Variants in PCDHA3 observed in about 807,000 individuals in gnomAD.
PCDHA3 encodes protocadherin alpha-3.
A neutral mutation model predicts 62.2 loss-of-function variants in PCDHA3; 41 were observed. The observed-to-expected ratio is 0.66, with a 90% CI of 0.51 to 0.86. The LOEUF (loss-of-function observed/expected upper bound fraction) is 0.86. Ranked by LOEUF, PCDHA3 falls within the 40% of genes least tolerant of loss-of-function variation. The pLI is 0.00. For synonymous variants in PCDHA3, 640 were observed against 555.4 expected (o/e 1.15, Z -2.14); for missense variants, 1,304 against 1,241.2 (o/e 1.05, Z -0.76).
chr5:141,011,626 C>T lies in PCDHA3; in HGVS notation c.*1689C>T, dbSNP rs1340546254. 6.5e-6 allele frequency: 1 copy of T among 153,668 alleles called. No individual in the cohort carries two copies. Among genetic ancestry groups the T allele is most frequent in the Non-Finnish European group, 1.5e-5 (1 of 68,026 alleles). The allele number at this position is 153,668 out of a possible 1,614,324, so 9.5% of individuals were successfully genotyped here. On this transcript the variant is annotated 3_prime_UTR_variant, in exon 4 of 4. Transcript: ENST00000522353. Reference sequence around the variant, plus strand: ...ATTTTATTTATGGTCCAGCCAAGAGCCATCTCGTGCCAAGACTTCTGCTGG... The same window carrying T: ...ATTTTATTTATGGTCCAGCCAAGAGTCATCTCGTGCCAAGACTTCTGCTGG...
chr5:140,979,999 C>G (rs1563478157), intron 2 of PCDHA3, among the ~76,000 whole-genome samples: 1 of 152,172 alleles, frequency 6.6e-6, no homozygotes, highest in African/African-American at 2.4e-5. Context: ...TTAACATACT[C>G]TCAAGCATTA....
chr5:140,974,456 A>G (rs957426015), intron 1 of PCDHA3, among the ~76,000 whole-genome samples: 2 of 152,230 alleles, frequency 1.3e-5, no homozygotes, highest in Non-Finnish European at 2.9e-5. Context: ...AAATGACTAC[A>G]TTCAGAGGAA....
intron 1 of PCDHA3, chr5:140,807,157 T>C: frequency 1.3e-6 from 2 of 1,590,406 alleles, no homozygotes; most frequent in Non-Finnish European, 1.7e-6. Flanking sequence ...AGAAACGATA[T>C]TTAATCAGAA....
At chr5:140,927,033 G>T in intron 1 of PCDHA3, 1 of 1,612,344 alleles carries the variant, frequency 6.2e-7, no homozygotes, top group Non-Finnish European at 8.5e-7. Context: ...GGCTGCCAGC[G>T]GCCGCTATGT....
intron 1 of PCDHA3, chr5:140,868,367 A>G (rs1172492575): frequency 6.6e-6 from 1 of 152,208 alleles, no homozygotes; most frequent in East Asian, 1.9e-4. Flanking sequence ...AAATGTAAAT[A>G]ACAGTAAAGA....
At chr5:141,004,080 A>G (rs1554259443) in intron 3 of PCDHA3, among the ~76,000 whole-genome samples, 1 of 152,198 alleles carries the variant, frequency 6.6e-6, no homozygotes, top group Non-Finnish European at 1.5e-5. Context: ...TAGGGGTAGA[A>G]ATGTGCTTCT....
At position 140,802,665 on chromosome 5, in the gene PCDHA3, G is replaced by A. The variant is rs1554122266; in HGVS notation, c.1468G>A (p.Val490Met). The A allele has an allele frequency of 6.2e-7, 1 of 1,613,518 alleles. No individual in the cohort carries two copies. Among genetic ancestry groups the A allele is most frequent in the African/African-American group, 1.3e-5 (1 of 75,066 alleles). ...RDADAQENAL[V>M]SYSLVERRVG... ...CGCGGACGCGCAGGAGAACGCCCTG[G>A]TGTCCTACTCGCTGGTGGAACGGCG... The change falls in exon 1 of 4, where the codon GTG becomes ATG. Residue 490 changes from valine to methionine, a missense_variant. Transcript: ENST00000522353.
chr5:140,917,442 G>C (rs186885625), intron 1 of PCDHA3, among the ~76,000 whole-genome samples: 5 of 152,072 alleles, frequency 3.3e-5, no homozygotes, highest in Admixed American at 3.3e-4. Flanking sequence ...TGTTTTTGCT[G>C]CAAGAGCGTT....
intron 1 of PCDHA3, chr5:140,856,680 T>C: frequency 6.3e-7 from 1 of 1,596,810 alleles, no homozygotes. Context: ...AAGTTGTTGT[T>C]GACAGCAACT....
chr5:140,986,753 A>C (rs2097211895), intron 3 of PCDHA3, among the ~76,000 whole-genome samples: 1 of 152,236 alleles, frequency 6.6e-6, no homozygotes, highest in Non-Finnish European at 1.5e-5. Flanking sequence ...CTGGGACTAA[A>C]CAGTGAAAGA....
intron 1 of PCDHA3, among the ~76,000 whole-genome samples, chr5:140,938,703 T>A: frequency 6.6e-6 from 1 of 152,170 alleles, no homozygotes; most frequent in East Asian, 1.9e-4. Flanking sequence ...AAATATATGT[T>A]TATGATAGAA....
chr5:140,947,760 A>C (rs1332466215), intron 1 of PCDHA3, among the ~76,000 whole-genome samples: 1 of 151,618 alleles, frequency 6.6e-6, no homozygotes, highest in Non-Finnish European at 1.5e-5. Context: ...TTATGGTTTA[A>C]AAAATTCTAT....
At chr5:140,823,138 G>A in intron 1 of PCDHA3, 1 of 1,613,824 alleles carries the variant, frequency 6.2e-7, no homozygotes, top group Non-Finnish European at 8.5e-7. Context: ...TCCGGCGTTC[G>A]CGCAGCCCCA....
chr5:140,990,956 G>T (rs1179435982), intron 3 of PCDHA3, among the ~76,000 whole-genome samples: 1 of 152,136 alleles, frequency 6.6e-6, no homozygotes, highest in Non-Finnish European at 1.5e-5. Context: ...TGTAGAAATA[G>T]TCTCTTAGAA....
intron 1 of PCDHA3, chr5:140,883,398 G>C: frequency 6.2e-7 from 1 of 1,614,166 alleles, no homozygotes; most frequent in Non-Finnish European, 8.5e-7. Context: ...GTGTCCGATC[G>C]TGACTCTGGC....
chr5:140,979,619 G>A (rs1344525241), intron 2 of PCDHA3, among the ~76,000 whole-genome samples: 1 of 152,164 alleles, frequency 6.6e-6, no homozygotes, highest in African/African-American at 2.4e-5. Context: ...AACGGTATTA[G>A]TCTAAGACTC....
intron 1 of PCDHA3, chr5:140,822,746 A>G (rs2150119046): frequency 1.2e-5 from 19 of 1,613,888 alleles, no homozygotes; most frequent in Non-Finnish European, 1.5e-5. Flanking sequence ...GCCATGGATA[A>G]AAGTACATTC....
intron 1 of PCDHA3, chr5:140,883,871 G>C: frequency 1.9e-6 from 3 of 1,613,242 alleles, no homozygotes; most frequent in Non-Finnish European, 2.5e-6. Context: ...GCAGTTCCAG[G>C]TGAGCGCGCG....
At chr5:140,978,795 G>T in intron 1 of PCDHA3, 154 bp from the exon 2 acceptor site, 1 of 979,238 alleles carries the variant, frequency 1.0e-6, no homozygotes, top group Non-Finnish European at 1.2e-6. Flanking sequence ...TGCTATATAT[G>T]TAGATATCAT....
Sources: allele counts gnomAD v4.1 joint callset (sites outside exome capture counted in the v4.1 genomes callset), GRCh38; gene constraint gnomAD v4.1.1; transcripts MANE v1.5; gene names NCBI Gene and HGNC (gene_info 2026-07-23, HGNC 2026-07-21).